Variants in PSD3 observed in about 807,000 individuals in gnomAD.
The protein encoded by PSD3 is pleckstrin and Sec7 domain containing 3, also known as PH and SEC7 domain-containing protein 3.
PSD3 carries 49 observed loss-of-function variants against 105.5 expected under a neutral mutation model. The observed-to-expected ratio is 0.46, with a 90% CI of 0.37 to 0.59. PSD3 has a LOEUF of 0.59. Ranked by LOEUF, PSD3 falls within the 20% of genes least tolerant of loss-of-function variation. PSD3 has a pLI of 0.00. For missense variants in PSD3, 1,561 were observed against 1,263.8 expected (o/e 1.24, Z -3.57); for synonymous variants, 557 against 457.8 (o/e 1.22, Z -2.77).
chr8:18,724,130 A>T (rs991420976), intron 9 of PSD3, among the ~76,000 whole-genome samples: 1 of 152,194 alleles, frequency 6.6e-6, no homozygotes, highest in Non-Finnish European at 1.5e-5. Context: ...TAGGGTTTGG[A>T]TTCTTTATAA....
chr8:18,711,054 G>A (rs747705658), intron 9 of PSD3, among the ~76,000 whole-genome samples: 18 of 152,084 alleles, frequency 1.2e-4, no homozygotes, highest in Non-Finnish European at 2.2e-4. Flanking sequence ...TGTGAGTGAA[G>A]GGGAAATAAA....
intron 2 of PSD3, among the ~76,000 whole-genome samples, chr8:18,896,177 T>C (rs1314758381): frequency 6.6e-6 from 1 of 152,264 alleles, no homozygotes; most frequent in Non-Finnish European, 1.5e-5. Context: ...AAGAGTATTC[T>C]ATTGTGTGTA....
At chr8:18,812,839 T>G (rs1811812479) in intron 4 of PSD3, among the ~76,000 whole-genome samples, 1 of 152,096 alleles carries the variant, frequency 6.6e-6, no homozygotes, top group African/African-American at 2.4e-5. Context: ...ATTCTTCTGT[T>G]TAAGGACCAA....
chr8:18,832,901 A>T (rs1010974048), intron 4 of PSD3, among the ~76,000 whole-genome samples: 8 of 152,164 alleles, frequency 5.3e-5, no homozygotes, highest in African/African-American at 1.9e-4. Context: ...GCCTCCCATG[A>T]CACACGGGGA....
chr8:18,990,328 C>A (rs985451165), intron 1 of PSD3, among the ~76,000 whole-genome samples: 1 of 152,230 alleles, frequency 6.6e-6, no homozygotes, highest in Non-Finnish European at 1.5e-5. Context: ...CTTTGCAATC[C>A]CATGCCTTCA....
intron 4 of PSD3, among the ~76,000 whole-genome samples, chr8:18,826,145 C>A (rs1441515676): frequency 6.6e-6 from 1 of 152,202 alleles, no homozygotes. Flanking sequence ...TTTCTGCCCT[C>A]AGAGCTCCTG....
chr8:18,651,009 A>G (rs1216867345), intron 10 of PSD3, among the ~76,000 whole-genome samples: 1 of 152,242 alleles, frequency 6.6e-6, no homozygotes, highest in South Asian at 2.1e-4. Context: ...TTTTCCTCAT[A>G]TATAAAGTAA....
chr8:19,076,042 G>A (rs560992403), intron 1 of PSD3, among the ~76,000 whole-genome samples: 3 of 152,260 alleles, frequency 2.0e-5, no homozygotes, highest in South Asian at 4.1e-4. Flanking sequence ...AAAGGCAGGC[G>A]CCAGCCAGAA....
At chr8:19,017,809 T>C (rs974481685), upstream of PSD3, among the ~76,000 whole-genome samples, 1 of 152,236 alleles carries the variant, frequency 6.6e-6, no homozygotes, top group Non-Finnish European at 1.5e-5. Flanking sequence ...ATTTATGAGT[T>C]CATGGACATT....
chr8:19,017,894 T>C (rs1396853507), upstream of PSD3, among the ~76,000 whole-genome samples: 1 of 152,254 alleles, frequency 6.6e-6, no homozygotes, highest in Non-Finnish European at 1.5e-5. Flanking sequence ...CATGTAGCTG[T>C]TATGTTTCCA....
chr8:18,867,095 TA>T (rs1262753928), intron 4 of PSD3, among the ~76,000 whole-genome samples: 3 of 151,898 alleles, frequency 2.0e-5, no homozygotes, highest in African/African-American at 7.3e-5. Context: ...AATCCTAAAG[TA>T]GAGAGAGAAA....
At position 18,799,248 on chromosome 8, in the gene PSD3, A is replaced by G. The variant is rs530744331; in HGVS notation, c.2082+47T>C. 221 of 1,494,508 alleles carry G rather than the reference A, an allele frequency of 1.5e-4. 2 individuals are homozygous for G. The South Asian group carries it at 2.3e-3, about 16-fold the overall frequency. The allele number at this position is 1,494,508 out of a possible 1,614,324, so 92.6% of individuals were successfully genotyped here. ...AATGTGTTTGAACATAAAAGCAGAG[A>G]TAAGCCCGACATGTTTTGGATCTAA... On this transcript the variant is annotated intron_variant, in intron 8 of 15. Transcript: ENST00000327040.
intron 1 of PSD3, among the ~76,000 whole-genome samples, chr8:19,079,551 G>A (rs1009397725): frequency 6.6e-6 from 1 of 152,144 alleles, no homozygotes; most frequent in Non-Finnish European, 1.5e-5. Context: ...AGTCAAACAG[G>A]CTTGAATAAC....
chr8:18,938,334 G>T (rs996597798), intron 1 of PSD3, among the ~76,000 whole-genome samples: 1 of 152,120 alleles, frequency 6.6e-6, no homozygotes, highest in South Asian at 2.1e-4. Flanking sequence ...AAGAATGAGG[G>T]AAAGGGGCCA....
intron 4 of PSD3, among the ~76,000 whole-genome samples, chr8:18,812,935 C>T (rs979009920): frequency 6.6e-6 from 1 of 152,126 alleles, no homozygotes; most frequent in African/African-American, 2.4e-5. Context: ...GAACAACAAT[C>T]AGACTTGGGT....
At chr8:18,934,797 T>C (rs1456129018) in intron 2 of PSD3, among the ~76,000 whole-genome samples, 1 of 152,206 alleles carries the variant, frequency 6.6e-6, no homozygotes, top group African/African-American at 2.4e-5. Context: ...TCAGAGAATA[T>C]TAACCACATG....
intron 9 of PSD3, among the ~76,000 whole-genome samples, chr8:18,717,222 G>A (rs55943024): frequency 0.017 from 2,574 of 151,884 alleles, 33 homozygotes; most frequent in Non-Finnish European, 0.025. Context: ...ACCAAATTAC[G>A]TTTATTTTAA....
chr8:18,857,841 A>G (rs1301647936), intron 4 of PSD3, among the ~76,000 whole-genome samples: 1 of 152,148 alleles, frequency 6.6e-6, no homozygotes, highest in Non-Finnish European at 1.5e-5. Flanking sequence ...AGTGTGTGTG[A>G]TTTTTAAGGC....
chr8:18,656,962 T>C (rs1808944681), intron 9 of PSD3, among the ~76,000 whole-genome samples: 1 of 152,154 alleles, frequency 6.6e-6, no homozygotes. Context: ...AAGAGCAAAT[T>C]ATATTTAACA....
Sources: allele counts gnomAD v4.1 joint callset (sites outside exome capture counted in the v4.1 genomes callset), GRCh38; gene constraint gnomAD v4.1.1; transcripts MANE v1.5; gene names NCBI Gene and HGNC (gene_info 2026-07-23, HGNC 2026-07-21).